EPM2A: variants seen among roughly 807,000 people sequenced by gnomAD.
EPM2A encodes laforin.
In EPM2A, 21 loss-of-function variants were observed where a neutral mutation model predicts 26.5. The observed-to-expected ratio is 0.79, with a 90% CI of 0.56 to 1.14. EPM2A has a LOEUF of 1.14. Among genes scored for constraint, EPM2A ranks in the 50% most tolerant of loss-of-function variants. The pLI is 0.00. For synonymous variants in EPM2A, 217 were observed against 177.6 expected (o/e 1.22, Z -1.76); for missense variants, 458 against 440.8 (o/e 1.04, Z -0.35).
At chr6:145,711,437 T>C (rs190366445) in intron 1 of EPM2A, among the ~76,000 whole-genome samples, 71 of 152,236 alleles carry the variant, frequency 4.7e-4, no homozygotes, top group Non-Finnish European at 8.2e-4. Flanking sequence ...GAGTTGAGGT[T>C]TGAATATATT....
intron 3 of EPM2A, chr6:145,502,467 A>G: frequency 2.1e-6 from 1 of 466,960 alleles, no homozygotes; most frequent in Non-Finnish European, 4.4e-6. Flanking sequence ...CCTGAAGAAG[A>G]GATGACAGCC....
chr6:145,624,128 T>A (rs1467715531), downstream of EPM2A, among the ~76,000 whole-genome samples: 1 of 152,214 alleles, frequency 6.6e-6, no homozygotes, highest in Non-Finnish European at 1.5e-5. Context: ...TTCTTCTTTT[T>A]CTAGCAGGTA....
intron 2 of EPM2A, among the ~76,000 whole-genome samples, chr6:145,560,424 T>C (rs779704382): frequency 1.3e-5 from 2 of 152,130 alleles, no homozygotes; most frequent in African/African-American, 4.8e-5. Flanking sequence ...AAGGGCCAGA[T>C]AGAAAATATT....
chr6:145,457,286 G>A (rs1779273229), intron 4 of EPM2A, among the ~76,000 whole-genome samples: 1 of 151,620 alleles, frequency 6.6e-6, no homozygotes, highest in African/African-American at 2.4e-5. Flanking sequence ...CTTGAGGTTG[G>A]GAGCCAGGCC....
At chr6:145,622,724 C>T (rs928881128), downstream of EPM2A, among the ~76,000 whole-genome samples, 3 of 152,172 alleles carry the variant, frequency 2.0e-5, no homozygotes, top group African/African-American at 4.8e-5. Context: ...CATTCTCCCT[C>T]GCAGCCCTCA....
At chr6:145,641,877 G>C (rs1003575708) in intron 2 of EPM2A, among the ~76,000 whole-genome samples, 1 of 152,104 alleles carries the variant, frequency 6.6e-6, no homozygotes, top group Non-Finnish European at 1.5e-5. Flanking sequence ...TGAAGTTCTG[G>C]GGTGTCTAGG....
At chr6:145,442,318 T>C (rs1779074894) in intron 4 of EPM2A, among the ~76,000 whole-genome samples, 1 of 152,184 alleles carries the variant, frequency 6.6e-6, no homozygotes, top group Non-Finnish European at 1.5e-5. Flanking sequence ...CAATTTATTG[T>C]ATTAGTCCAT....
At position 145,448,120 on chromosome 6, in the gene EPM2A, A is replaced by C. The variant is rs140899577; in HGVS notation, c.555+54402T>G. 9.7e-4 allele frequency among the ~76,000 whole-genome samples: 148 copies of C among 152,286 alleles called. 1 individual carries two copies. The East Asian group carries it at 0.013, about 14-fold the overall frequency. On this transcript the variant is annotated intron_variant, in intron 4 of 4. Coordinates refer to the EPM2A transcript ENST00000638717. ...TTTTTCTCTCAAAGGGCACAAGAGT[A>C]GTGATTTCACATAAGTGATTAATTG...
At chr6:145,719,287 C>T (rs1310152265) in intron 1 of EPM2A, among the ~76,000 whole-genome samples, 1 of 149,090 alleles carries the variant, frequency 6.7e-6, no homozygotes, top group Non-Finnish European at 1.5e-5. Context: ...GAATACTATG[C>T]AGCCATAAAA....
rs550257440 is a variant in EPM2A, at chr6:145,465,095, G to A, written c.555+37427C>T. ...TTTCCAACTTGGTTCCATTCTCCCC[G>A]TCACTTTCAGGTACACCAATCAGAC... On this transcript the variant is annotated intron_variant, in intron 4 of 4. Coordinates refer to the EPM2A transcript ENST00000638717. Among the ~76,000 whole-genome samples, 20 of 151,840 alleles carry A rather than the reference G, an allele frequency of 1.3e-4. No individual in the cohort carries two copies. The South Asian group carries it at 2.9e-3, about 22-fold the overall frequency.
intron 2 of EPM2A, among the ~76,000 whole-genome samples, chr6:145,615,841 G>C (rs1458978731): frequency 1.5e-5 from 2 of 130,900 alleles, no homozygotes; most frequent in African/African-American, 5.2e-5. Context: ...AGATGATTTA[G>C]GGTATCTGGC....
intron 2 of EPM2A, among the ~76,000 whole-genome samples, chr6:145,596,689 T>C (rs902382063): frequency 6.6e-6 from 1 of 151,972 alleles, no homozygotes; most frequent in African/African-American, 2.4e-5. Context: ...TGTAAAAACA[T>C]CTCTCCATAT....
Position 145,635,314 on chromosome 6 carries a change from T to C in EPM2A, c.649A>G (p.Met217Val), listed in dbSNP as rs778240670. 3.1e-6 allele frequency: 5 copies of C among 1,614,122 alleles called. No individual in the cohort carries two copies. Among genetic ancestry groups the C allele is most frequent in the African/African-American group, 1.3e-5 (1 of 75,058 alleles). The change falls in exon 3 of 4, where the codon ATG becomes GTG. Residue 217 changes from methionine (M) to valine (V), a missense_variant. Coordinates refer to ENST00000367519, the MANE Select transcript of EPM2A (RefSeq NM_005670.4). ...RYPEPMTPDT[M>V]IKLYREEGLA... ...CCTTCTTCCCTATATAGTTTAATCA[T>C]AGTGTCTGGAGTCATGGGCTCTGGG...
chr6:145,544,944 G>A (rs1780564960), intron 2 of EPM2A, among the ~76,000 whole-genome samples: 1 of 152,150 alleles, frequency 6.6e-6, no homozygotes, highest in South Asian at 2.1e-4. Flanking sequence ...ATATTCAGTT[G>A]TGTTTAGAAT....
chr6:145,392,068 A>G (rs1195293583), intron 4 of EPM2A, among the ~76,000 whole-genome samples: 1 of 152,134 alleles, frequency 6.6e-6, no homozygotes, highest in Non-Finnish European at 1.5e-5. Context: ...ATGTTTAAGA[A>G]CCAGGGAAAC....
chr6:145,583,052 C>T (rs1029571895), intron 2 of EPM2A, among the ~76,000 whole-genome samples: 3 of 152,034 alleles, frequency 2.0e-5, no homozygotes, highest in African/African-American at 2.4e-5. Context: ...TTTCATTTCC[C>T]GTCTTGTTTT....
At chr6:145,654,775 C>T (rs906676971) in intron 2 of EPM2A, among the ~76,000 whole-genome samples, 3 of 152,154 alleles carry the variant, frequency 2.0e-5, no homozygotes, top group African/African-American at 7.2e-5. Flanking sequence ...AATATTAACA[C>T]AAAATCTATT....
rs368928512 is a variant in EPM2A, at chr6:145,553,096, T to C, written c.341-50521A>G. Among the ~76,000 whole-genome samples, 13 of 152,186 alleles carry C rather than the reference T, an allele frequency of 8.5e-5. No individual in the cohort carries two copies. In the South Asian group the frequency reaches 2.1e-3, roughly 24 times the overall value. On this transcript the variant is annotated intron_variant, in intron 2 of 3. Transcript: ENST00000450221. ...TCATGAGGGCAGTTTCGCCATGCTGTTATCATGATAATGAGTGAGACTCAT... is the reference window on the plus strand; with the variant it reads ...TCATGAGGGCAGTTTCGCCATGCTGCTATCATGATAATGAGTGAGACTCAT...
intron 2 of EPM2A, among the ~76,000 whole-genome samples, chr6:145,646,654 C>T (rs1355497075): frequency 2.0e-5 from 3 of 152,112 alleles, no homozygotes; most frequent in Non-Finnish European, 4.4e-5. Flanking sequence ...AAACTCTGGT[C>T]TCCCTTCAAT....
Sources: gnomAD v4.1 joint callset for allele counts (sites outside exome capture counted in the v4.1 genomes callset) on GRCh38, gnomAD v4.1.1 for gene constraint, MANE v1.5 for transcripts, NCBI Gene and HGNC (gene_info 2026-07-23, HGNC 2026-07-21) for gene names.